TPRG1: variants seen among roughly 807,000 people sequenced by gnomAD.
The protein encoded by TPRG1 is tumor protein p63-regulated gene 1 protein.
Under a neutral mutation model 29.3 loss-of-function variants are expected in TPRG1, and 29 were observed. The ratio of observed to expected loss-of-function variants is 0.99; its 90% CI spans 0.74 to 1.35. The LOEUF (loss-of-function observed/expected upper bound fraction) is 1.35, where lower values mean the gene tolerates loss of function less well. Ranked by LOEUF, TPRG1 falls within the 40% of genes most tolerant of loss-of-function variation. The pLI is 0.00. For missense variants in TPRG1, 327 were observed against 335.0 expected, an observed-to-expected ratio of 0.98 and a Z score of 0.19; for synonymous variants, 130 against 116.8, an observed-to-expected ratio of 1.11 and a Z score of -0.73.
intron 4 of TPRG1, among the ~76,000 whole-genome samples, chr3:189,263,256 T>A (rs1478560673): frequency 1.3e-5 from 2 of 152,198 alleles, no homozygotes; most frequent in Non-Finnish European, 2.9e-5. Flanking sequence ...GAAAGACTTT[T>A]CTAAAGAAGA....
intron 4 of TPRG1, among the ~76,000 whole-genome samples, chr3:189,266,038 T>C (rs1188679958): frequency 6.6e-6 from 1 of 152,172 alleles, no homozygotes; most frequent in Non-Finnish European, 1.5e-5. Flanking sequence ...CAGTTTCATT[T>C]GGTGTAATGT....
intron 5 of TPRG1, among the ~76,000 whole-genome samples, chr3:189,160,046 T>G (rs1002116542): frequency 6.6e-6 from 1 of 152,014 alleles, no homozygotes; most frequent in Non-Finnish European, 1.5e-5. Flanking sequence ...GTGGATGGTG[T>G]GTGGGTGGTC....
chr3:189,215,180 T>G (rs1735874444), intron 2 of TPRG1, 112 bp from the exon 3 acceptor site: 1 of 814,156 alleles, frequency 1.2e-6, no homozygotes, highest in South Asian at 2.0e-5. Flanking sequence ...CTGCATAAAC[T>G]ATATCCTTTG....
chr3:189,324,536 A>T lies in TPRG1; in HGVS notation c.*3716A>T, dbSNP rs544108361. 3 of 152,278 alleles carry T rather than the reference A, an allele frequency of 2.0e-5. No individual in the cohort carries two copies. The highest frequency in any genetic ancestry group is 7.2e-5 in the African/African-American group (3 of 41,574). The allele number at this position is 152,278 out of a possible 1,614,324, so 9.4% of individuals were successfully genotyped here. On this transcript the variant is annotated 3_prime_UTR_variant, in exon 6 of 6. Transcript: ENST00000345063. ...ATTTTCTTAAAGGCTAAGGACACTT[A>T]TAGAGCTCTCCGATTTCCTATCTGA...
chr3:189,242,272 G>T (rs2108963503), intron 4 of TPRG1, among the ~76,000 whole-genome samples: 1 of 152,040 alleles, frequency 6.6e-6, no homozygotes, highest in Admixed American at 6.6e-5. Context: ...TTCCATTTGT[G>T]TCTCTTAAAG....
intron 4 of TPRG1, among the ~76,000 whole-genome samples, chr3:189,273,131 G>A (rs1003163773): frequency 2.6e-5 from 4 of 152,178 alleles, no homozygotes; most frequent in Non-Finnish European, 5.9e-5. Flanking sequence ...TCCTCTTGAA[G>A]CTGTCACTTG....
At chr3:189,272,697 C>T (rs202238867) in intron 4 of TPRG1, among the ~76,000 whole-genome samples, 222 of 128,352 alleles carry the variant, frequency 1.7e-3, no homozygotes, top group East Asian at 0.01. Flanking sequence ...CTTTCTTTCT[C>T]TTTCTTTCTT....
At chr3:189,121,295 G>A (rs116939747) in intron 1 of TPRG1, 38 of 152,178 alleles carry the variant, frequency 2.5e-4, no homozygotes, top group East Asian at 1.5e-3. Flanking sequence ...TGGATACTCC[G>A]GAAGACAATA....
intron 3 of TPRG1, among the ~76,000 whole-genome samples, chr3:189,227,011 A>G (rs185478349): frequency 3.9e-5 from 6 of 152,130 alleles, no homozygotes; most frequent in Middle Eastern, 3.4e-3. Context: ...CTCACTCAAC[A>G]TGAAAGAAAA....
intron 4 of TPRG1, among the ~76,000 whole-genome samples, chr3:189,030,383 A>G (rs908194415): frequency 6.6e-6 from 1 of 152,248 alleles, no homozygotes; most frequent in East Asian, 1.9e-4. Flanking sequence ...TGGCAATACT[A>G]TACTCCTTTC....
At chr3:189,058,460 C>A (rs1258437214) in intron 4 of TPRG1, among the ~76,000 whole-genome samples, 1 of 152,142 alleles carries the variant, frequency 6.6e-6, no homozygotes, top group African/African-American at 2.4e-5. Context: ...AAAATGGCAC[C>A]AAACACACAA....
intron 5 of TPRG1, among the ~76,000 whole-genome samples, chr3:189,316,279 G>A (rs1355587460): frequency 6.6e-6 from 1 of 152,144 alleles, no homozygotes; most frequent in Non-Finnish European, 1.5e-5. Flanking sequence ...GGCTCTATGA[G>A]GATAATTCCA....
chr3:189,056,022 TC>T (rs1560417791), intron 4 of TPRG1, among the ~76,000 whole-genome samples: 1 of 86,432 alleles, frequency 1.2e-5, no homozygotes, highest in African/African-American at 4.9e-5. Context: ...CTCCCTCCCT[TC>T]CCTCCCTCCC....
chr3:189,231,957 G>C (rs1383444767), intron 3 of TPRG1, among the ~76,000 whole-genome samples: 1 of 151,846 alleles, frequency 6.6e-6, no homozygotes, highest in Non-Finnish European at 1.5e-5. Context: ...GTGTGTGTGT[G>C]TGTGTGTGTG....
intron 1 of TPRG1, among the ~76,000 whole-genome samples, chr3:189,183,061 C>T (rs1317603788): frequency 6.6e-6 from 1 of 152,140 alleles, no homozygotes; most frequent in East Asian, 1.9e-4. Flanking sequence ...AACAGAGTGA[C>T]TTTTTATCGG....
chr3:189,295,496 C>CAAAAAAAA (rs368195264), intron 4 of TPRG1, among the ~76,000 whole-genome samples: 2 of 85,520 alleles, frequency 2.3e-5, no homozygotes, highest in Non-Finnish European at 4.3e-5. Context: ...ACTCAGATTG[C>CAAAAAAAA]AAAAAAAAAA....
chr3:189,247,861 G>A (rs750994833), intron 4 of TPRG1, among the ~76,000 whole-genome samples: 1 of 151,762 alleles, frequency 6.6e-6, no homozygotes, highest in Non-Finnish European at 1.5e-5. Context: ...CCTGGAATTA[G>A]TATATACTTA....
chr3:189,064,955 G>A (rs1048620354), intron 4 of TPRG1, among the ~76,000 whole-genome samples: 1 of 152,144 alleles, frequency 6.6e-6, no homozygotes, highest in African/African-American at 2.4e-5. Context: ...TTGAGAGGTT[G>A]AGATGGGAGG....
intron 4 of TPRG1, among the ~76,000 whole-genome samples, chr3:189,056,087 T>TCCTA (rs1560417981): frequency 3.6e-5 from 5 of 137,404 alleles, no homozygotes; most frequent in African/African-American, 8.0e-5. Flanking sequence ...CTTCCTTCCT[T>TCCTA]CCTTCCTTCC....
Sources: allele counts gnomAD v4.1 joint callset (sites outside exome capture counted in the v4.1 genomes callset), GRCh38; gene constraint gnomAD v4.1.1; transcripts MANE v1.5; gene names NCBI Gene and HGNC (gene_info 2026-07-23, HGNC 2026-07-21).